Variants in SV2B observed in about 807,000 individuals in gnomAD.
SV2B encodes solute carrier family 22 member B2.
In SV2B, 41 loss-of-function variants were observed where a neutral mutation model predicts 73.9. The observed-to-expected ratio is 0.56, with a 90% CI of 0.43 to 0.72. The LOEUF (loss-of-function observed/expected upper bound fraction) is 0.72, where lower values mean the gene tolerates loss of function less well. Among genes scored for constraint, SV2B ranks in the 30% least tolerant of loss-of-function variants. SV2B has a pLI of 0.00. For synonymous variants in SV2B, 314 were observed against 314.2 expected (o/e 1.00, Z 0.01); for missense variants, 764 against 857.8 (o/e 0.89, Z 1.37).
At chr15:91,217,385 A>G (rs971122633) in intron 1 of SV2B, among the ~76,000 whole-genome samples, 2 of 152,174 alleles carry the variant, frequency 1.3e-5, no homozygotes, top group Non-Finnish European at 2.9e-5. Flanking sequence ...TATGTGTGCA[A>G]TGCTATGGGA....
chr15:91,205,020 GTTT>G (rs1456310495), intron 1 of SV2B, among the ~76,000 whole-genome samples: 1 of 152,154 alleles, frequency 6.6e-6, no homozygotes, highest in Non-Finnish European at 1.5e-5. Context: ...CTGAGCTGCT[GTTT>G]TTGTTTTCTG....
In SV2B at chr15:91,139,721, G is replaced by A. The variant is rs914232829; in HGVS notation, c.-392+39358G>A. On this transcript the variant is annotated intron_variant, in intron 1 of 12. Coordinates refer to ENST00000394232, the MANE Select transcript of SV2B (RefSeq NM_001323032.3). The surrounding 1 kb of genome is among the most constrained non-coding windows in gnomAD (Gnocchi z 5.2). ...ACGGATTAGGGTTAAGCAAATAGGA[G>A]CAAACATTAGGGTGACTGTAACAAT... Among the ~76,000 whole-genome samples, 5 of 152,180 alleles carry A rather than the reference G, an allele frequency of 3.3e-5. No individual in the cohort carries two copies. Among genetic ancestry groups the A allele is most frequent in the African/African-American group, 7.2e-5 (3 of 41,446 alleles).
At chr15:91,101,354 C>T (rs886549143) in intron 1 of SV2B, among the ~76,000 whole-genome samples, 6 of 152,048 alleles carry the variant, frequency 3.9e-5, no homozygotes, top group Admixed American at 3.3e-4. Context: ...GAAGAGGTGA[C>T]TTGTTCTGCT....
At chr15:91,282,220 G>A (rs1342887195) in intron 10 of SV2B, among the ~76,000 whole-genome samples, 2 of 152,176 alleles carry the variant, frequency 1.3e-5, no homozygotes, top group Admixed American at 6.5e-5. Flanking sequence ...TTTTATGCAC[G>A]GAATGCATTC....
chr15:91,202,796 G>A (rs2045506917), intron 1 of SV2B, among the ~76,000 whole-genome samples: 1 of 152,182 alleles, frequency 6.6e-6, no homozygotes, highest in Non-Finnish European at 1.5e-5. Flanking sequence ...GTTGGCCTGA[G>A]TTGGGTCAAT....
rs569455066 is a variant in SV2B at position 91,301,301 on chromosome 15, C to A, written c.*8749C>A. 6.6e-6 allele frequency: 1 copy of A among 152,344 alleles called. No individual in the cohort carries two copies. The highest frequency in any genetic ancestry group is 2.1e-4 in the South Asian group (1 of 4,830). The allele number at this position is 152,344 out of a possible 1,614,324, so 9.4% of individuals were successfully genotyped here. On this transcript the variant is annotated 3_prime_UTR_variant, in exon 13 of 13. Transcript: ENST00000394232. This position sits in a 1 kb window ranked among gnomAD's most constrained non-coding sequence, Gnocchi z 4.3. ...AACTGATGCTATAAATGTGAACTGA[C>A]AAAACCCACTTTTGGTCTCTCTTCA...
rs1010171993 is a variant in SV2B at position 91,132,759 on chromosome 15, G to C, written c.-392+32396G>C. The stretch of plus-strand genomic sequence containing the variant: ...AGAGGCTGAGGTGGGAGGATCCGTT[G>C]AGCCCAGGAGTTTGAGGCTGCAGTG... On this transcript the variant is annotated intron_variant, in intron 1 of 12. Coordinates refer to ENST00000394232, the MANE Select transcript of SV2B (RefSeq NM_001323032.3). The surrounding 1 kb of genome is among the most constrained non-coding windows in gnomAD (Gnocchi z 4.6). Among the ~76,000 whole-genome samples, 1 of 152,116 alleles carries C rather than the reference G, an allele frequency of 6.6e-6. No homozygotes were observed.
chr15:91,188,728 G>C (rs7495738), intron 1 of SV2B, among the ~76,000 whole-genome samples: 48,213 of 152,052 alleles, frequency 0.32, 8,393 homozygotes, highest in East Asian at 0.71. Flanking sequence ...GCCCCATCAA[G>C]TATTACAGGT....
chr15:91,168,848 T>C (rs1453022859), intron 1 of SV2B, among the ~76,000 whole-genome samples: 1 of 152,226 alleles, frequency 6.6e-6, no homozygotes, highest in Non-Finnish European at 1.5e-5. Context: ...CATTCTATCT[T>C]TTCCAGAACC....
chr15:91,222,943 C>A (rs761529205), intron 1 of SV2B, among the ~76,000 whole-genome samples: 1 of 152,136 alleles, frequency 6.6e-6, no homozygotes, highest in Non-Finnish European at 1.5e-5. Context: ...TGAATGTATT[C>A]GTTTCCTGGG....
intron 1 of SV2B, among the ~76,000 whole-genome samples, chr15:91,188,972 G>A (rs2044892270): frequency 6.6e-6 from 1 of 152,082 alleles, no homozygotes. Context: ...CATTACAGGT[G>A]CACACCACCA....
Position 91,231,588 on chromosome 15 carries a change from C to T in SV2B, c.451+4874C>T, listed in dbSNP as rs184804656. ...TGGCGACACGTAAGGCAAACCAACC[C>T]CATCCTTTTCTGCCTGCATTTGATA... On this transcript the variant is annotated intron_variant, in intron 2 of 12. Transcript: ENST00000394232. This position sits in a 1 kb window ranked among gnomAD's most constrained non-coding sequence, Gnocchi z 4.5. 6.6e-6 allele frequency among the ~76,000 whole-genome samples: 1 copy of T among 152,162 alleles called. No individual in the cohort carries two copies. Among genetic ancestry groups the T allele is most frequent in the Admixed American group, 6.5e-5 (1 of 15,276 alleles).
intron 1 of SV2B, among the ~76,000 whole-genome samples, chr15:91,169,160 T>G (rs1253741418): frequency 6.6e-6 from 1 of 152,190 alleles, no homozygotes; most frequent in Non-Finnish European, 1.5e-5. Context: ...CTCCTCCTCC[T>G]CCTCATGATC....
Position 91,227,332 on chromosome 15 carries a change from A to G in SV2B, c.451+618A>G, listed in dbSNP as rs900123559. On this transcript the variant is annotated intron_variant, in intron 2 of 12. Coordinates refer to ENST00000394232, the MANE Select transcript of SV2B (RefSeq NM_001323032.3). This position sits in a 1 kb window ranked among gnomAD's most constrained non-coding sequence, Gnocchi z 4.5. ...GATAGAGGACCAGCTTTGCAAATCAATTAAGAGATCAGCACCATCAGAGCC... is the reference window on the plus strand; with the variant it reads ...GATAGAGGACCAGCTTTGCAAATCAGTTAAGAGATCAGCACCATCAGAGCC... 8.5e-5 allele frequency among the ~76,000 whole-genome samples: 13 copies of G among 152,216 alleles called. No homozygotes were observed. The highest frequency in any genetic ancestry group is 2.0e-4 in the Admixed American group (3 of 15,284).
chr15:91,146,411 G>T (rs2043148208), intron 1 of SV2B, among the ~76,000 whole-genome samples: 1 of 152,032 alleles, frequency 6.6e-6, no homozygotes, highest in Non-Finnish European at 1.5e-5. Context: ...TTTTGCTTAG[G>T]ATTGACTTGG....
chr15:91,141,779 A>C lies in SV2B; in HGVS notation c.-392+41416A>C, dbSNP rs7163914. 0.18 allele frequency among the ~76,000 whole-genome samples: 27,948 copies of C among 151,374 alleles called. 3,557 individuals are homozygous for C. Among genetic ancestry groups the C allele is most frequent in the African/African-American group, 0.36 (14,913 of 41,184 alleles). On this transcript the variant is annotated intron_variant, in intron 1 of 12. Transcript: ENST00000394232. The surrounding 1 kb of genome is among the most constrained non-coding windows in gnomAD (Gnocchi z 4.6). Reference sequence around the variant, plus strand: ...TTTGGACAGAGGTCACATTTTGGCAACATCTTTTTCTGCTAATGGATATTA... The same window carrying C: ...TTTGGACAGAGGTCACATTTTGGCACCATCTTTTTCTGCTAATGGATATTA...
chr15:91,287,809 G>T (rs567794400), intron 11 of SV2B, among the ~76,000 whole-genome samples: 11 of 152,294 alleles, frequency 7.2e-5, no homozygotes, highest in South Asian at 2.1e-4. Context: ...AACAAATAAG[G>T]CAGGTGAGGC....
intron 1 of SV2B, among the ~76,000 whole-genome samples, chr15:91,194,437 C>G (rs576698203): frequency 1.6e-3 from 246 of 152,282 alleles, no homozygotes; most frequent in Non-Finnish European, 2.9e-3. Flanking sequence ...TGTGAACATT[C>G]TTGTGTATGT....
chr15:91,282,411 C>T (rs900679714), intron 10 of SV2B, among the ~76,000 whole-genome samples: 3 of 152,206 alleles, frequency 2.0e-5, no homozygotes, highest in Admixed American at 6.5e-5. Flanking sequence ...TCTACCACTA[C>T]ACCTCTTCTT....
Sources: allele counts gnomAD v4.1 joint callset (sites outside exome capture counted in the v4.1 genomes callset), GRCh38; gene constraint gnomAD v4.1.1; non-coding constraint Gnocchi (gnomAD v3.1); transcripts MANE v1.5; gene names NCBI Gene and HGNC (gene_info 2026-07-23, HGNC 2026-07-21).